The following CCDC25 variants were observed in gnomAD, a reference collection of about 807,000 sequenced individuals.
CCDC25 encodes the protein coiled-coil domain containing 25.
Under a neutral mutation model 35.3 loss-of-function variants are expected in CCDC25, and 16 were observed. That is an observed-to-expected ratio of 0.45 (90% CI 0.31 to 0.69). CCDC25 has a LOEUF of 0.69. CCDC25 is among the 30% of genes least tolerant of loss of function. The pLI is 0.06. For missense variants in CCDC25, 179 were observed against 250.7 expected (o/e 0.71, Z 1.93); for synonymous variants, 79 against 80.3 (o/e 0.98, Z 0.09).
chr8:27,741,365 T>C (rs571269091), intron 7 of CCDC25, among the ~76,000 whole-genome samples: 1 of 152,292 alleles, frequency 6.6e-6, no homozygotes, highest in African/African-American at 2.4e-5. Context: ...TATTCATCAA[T>C]AACTATGGTG....
Position 27,772,572 on chromosome 8 carries a change from G to A in CCDC25, c.-32C>T. The A allele has an allele frequency of 1.3e-6, 2 of 1,546,012 alleles. No homozygotes were observed. Among genetic ancestry groups the A allele is most frequent in the Non-Finnish European group, 1.7e-6 (2 of 1,144,288 alleles). ...GGGAGCGGTGCGGTGACTCCACCGC[G>A]GAGCAGCAGCGCTCAACTCACGAAG... On this transcript the variant is annotated 5_prime_UTR_variant, in exon 1 of 9. Transcript: ENST00000356537.
chr8:27,744,699 T>C (rs888818784), intron 7 of CCDC25, among the ~76,000 whole-genome samples: 32 of 152,230 alleles, frequency 2.1e-4, no homozygotes, highest in African/African-American at 7.5e-4. Flanking sequence ...ATTCTTTCAC[T>C]TGCCTATGTG....
chr8:27,764,382 C>T (rs1804329746), intron 2 of CCDC25: 4 of 278,890 alleles, frequency 1.4e-5, no homozygotes, highest in South Asian at 1.1e-4. Flanking sequence ...GATCTTCCTG[C>T]CTCAGCCTCC....
chr8:27,759,844 G>A (rs1342784938), intron 3 of CCDC25, among the ~76,000 whole-genome samples: 1 of 150,120 alleles, frequency 6.7e-6, no homozygotes, highest in African/African-American at 2.5e-5. Context: ...AAAACCCTTT[G>A]CTTAAAGGAG....
At chr8:27,769,160 C>T (rs1056800849) in intron 1 of CCDC25, among the ~76,000 whole-genome samples, 11 of 152,206 alleles carry the variant, frequency 7.2e-5, no homozygotes, top group African/African-American at 2.7e-4. Context: ...TGTAAAGTCT[C>T]ATTACTATTT....
intron 1 of CCDC25, among the ~76,000 whole-genome samples, chr8:27,772,250 C>T (rs932011283): frequency 6.6e-6 from 1 of 152,204 alleles, no homozygotes; most frequent in African/African-American, 2.4e-5. Flanking sequence ...GACGTCTTTC[C>T]GATTAGGGGA....
At chr8:27,771,620 A>G (rs1477835808) in intron 1 of CCDC25, among the ~76,000 whole-genome samples, 1 of 152,182 alleles carries the variant, frequency 6.6e-6, no homozygotes, top group Non-Finnish European at 1.5e-5. Context: ...GGACTACTGT[A>G]AAGAGATCCT....
intron 4 of CCDC25, 23 bp downstream of exon 4, chr8:27,756,696 A>G (rs781116567): frequency 6.4e-7 from 1 of 1,566,794 alleles, no homozygotes; most frequent in Admixed American, 1.7e-5. Context: ...AAAAGTCAAG[A>G]ATCCATGTTT....
At chr8:27,746,270 A>G (rs1005717340) in intron 7 of CCDC25, among the ~76,000 whole-genome samples, 1 of 152,258 alleles carries the variant, frequency 6.6e-6, no homozygotes, top group African/African-American at 2.4e-5. Flanking sequence ...AAATGAGCTT[A>G]TAACAAGTTT....
At chr8:27,756,870 C>T in intron 3 of CCDC25, 100 bp from the exon 4 acceptor site, 1 of 799,198 alleles carries the variant, frequency 1.3e-6, no homozygotes, top group South Asian at 1.5e-5. Context: ...GTCTTCACTC[C>T]ATGCCTGCCA....
At chr8:27,757,819 G>A (rs116240858) in intron 3 of CCDC25, among the ~76,000 whole-genome samples, 6,786 of 152,212 alleles carry the variant, frequency 0.045, 226 homozygotes, top group African/African-American at 0.095. Context: ...GGGCCTGGTG[G>A]GAGGTGACTG....
At position 27,740,525 on chromosome 8, in the gene CCDC25, GA is replaced by G. The variant is rs34636629; in HGVS notation, c.552-9del. ...ATTAGTGATGAATAGCTCCTAGAAGGAAAAAAACACACACACACATTTAAAA... is the reference window on the plus strand; with the variant it reads ...ATTAGTGATGAATAGCTCCTAGAAGGAAAAAACACACACACACATTTAAAA... On this transcript the variant is annotated splice_polypyrimidine_tract_variant and intron_variant, in intron 7 of 8. Transcript: ENST00000356537. 0.45 allele frequency: 714,862 copies of G among 1,593,460 alleles called. 163,997 individuals are homozygous for G. The highest frequency in any genetic ancestry group is 0.52 in the Middle Eastern group (3,106 of 6,018).
At chr8:27,757,675 CGCATCCCA>C (rs1563454450) in intron 3 of CCDC25, among the ~76,000 whole-genome samples, 1 of 152,200 alleles carries the variant, frequency 6.6e-6, no homozygotes, top group African/African-American at 2.4e-5. Flanking sequence ...ATGCCCCCTC[CGCATCCCA>C]GCATCACACA....
At chr8:27,767,684 G>A (rs13262948) in intron 1 of CCDC25, among the ~76,000 whole-genome samples, 39,986 of 152,078 alleles carry the variant, frequency 0.26, 6,238 homozygotes, top group Middle Eastern at 0.36. Flanking sequence ...TAATGGGTAC[G>A]GAATAAAGCC....
At chr8:27,751,238 G>A (rs1073235) in intron 5 of CCDC25, among the ~76,000 whole-genome samples, 64,745 of 152,146 alleles carry the variant, frequency 0.43, 14,054 homozygotes, top group East Asian at 0.63. Context: ...AAGGACATGT[G>A]AAGGAAGTTG....
intron 7 of CCDC25, among the ~76,000 whole-genome samples, chr8:27,742,081 G>GA (rs1193203898): frequency 6.6e-6 from 1 of 152,044 alleles, no homozygotes; most frequent in Non-Finnish European, 1.5e-5. Flanking sequence ...TGGGCAATTT[G>GA]AAAAAAATAG....
intron 8 of CCDC25, among the ~76,000 whole-genome samples, chr8:27,739,030 T>C (rs989610716): frequency 2.6e-5 from 4 of 152,302 alleles, no homozygotes; most frequent in Admixed American, 2.0e-4. Context: ...TGAAATAATA[T>C]GTGTCCATTT....
At chr8:27,768,286 T>G (rs921493778) in intron 1 of CCDC25, among the ~76,000 whole-genome samples, 1 of 152,016 alleles carries the variant, frequency 6.6e-6, no homozygotes, top group African/African-American at 2.4e-5. Context: ...AAAATTAGTC[T>G]GGGCGCAGTG....
At chr8:27,748,334 A>G in intron 6 of CCDC25, 55 bp from the exon 7 acceptor site, 1 of 1,528,314 alleles carries the variant, frequency 6.5e-7, no homozygotes, top group South Asian at 1.1e-5. Context: ...TTTCTCCCAG[A>G]AGAGGGATGA....
Sources: gnomAD v4.1 joint callset for allele counts (sites outside exome capture counted in the v4.1 genomes callset) on GRCh38, gnomAD v4.1.1 for gene constraint, MANE v1.5 for transcripts, NCBI Gene and HGNC (gene_info 2026-07-23, HGNC 2026-07-21) for gene names.